Variants in MTHFD1 observed in about 807,000 individuals in gnomAD.
MTHFD1 encodes the protein C-1-tetrahydrofolate synthase, cytoplasmic.
A neutral mutation model predicts 110.3 loss-of-function variants in MTHFD1; 44 were observed. The observed-to-expected ratio is 0.40, with a 90% CI of 0.31 to 0.51. The LOEUF (loss-of-function observed/expected upper bound fraction) is 0.51, where lower values mean the gene tolerates loss of function less well. Ranked by LOEUF, MTHFD1 falls within the 20% of genes least tolerant of loss-of-function variation. MTHFD1 has a pLI of 0.60. For missense variants in MTHFD1, 909 were observed against 1,173.1 expected, an observed-to-expected ratio of 0.77 and a Z score of 3.29; for synonymous variants, 402 against 428.8, an observed-to-expected ratio of 0.94 and a Z score of 0.77.
rs139936700 is a variant in MTHFD1, at chr14:64,424,134, C to T, written c.728-670C>T. ...GCCTTATTGCTTCGAGGTCTAGGCCCGCCCCCAGCCCCTCCTGGAAGTGCA... is the reference window on the plus strand; with the variant it reads ...GCCTTATTGCTTCGAGGTCTAGGCCTGCCCCCAGCCCCTCCTGGAAGTGCA... On this transcript the variant is annotated intron_variant, in intron 8 of 27. Transcript: ENST00000652337. The T allele has an allele frequency of 6.8e-4, 107 of 156,626 alleles. 2 individuals carry two copies. In the East Asian group the frequency reaches 0.015, roughly 22 times the overall value. The allele number at this position is 156,626 out of a possible 1,614,324, so 9.7% of individuals were successfully genotyped here.
At position 64,412,724 on chromosome 14, in the gene MTHFD1, G is replaced by A. The variant is rs566634344; in HGVS notation, c.240+199G>A. Among the ~76,000 whole-genome samples, 92 of 139,424 alleles carry A rather than the reference G, an allele frequency of 6.6e-4. No individual in the cohort carries two copies. The East Asian group carries it at 0.012, about 19-fold the overall frequency. 91.5% of individuals were successfully genotyped at this position (139,424 alleles called of 152,430 possible). ...GCGATCTCGACTCTCTGCAACCTCC[G>A]CCTCCCAGGTTCAAGCAATTCTCCT... is the stretch of plus-strand genomic sequence containing the variant. On this transcript the variant is annotated intron_variant, in intron 4 of 27. Transcript: ENST00000652337.
In MTHFD1 at chr14:64,449,481, C is replaced by G; in HGVS notation, c.2316C>G (p.Arg772=). Residue 772 remains arginine, a synonymous_variant, in exon 24 of 28, where the codon CGC becomes CGG. Coordinates refer to ENST00000652337, the MANE Select transcript of MTHFD1 (RefSeq NM_005956.4). ...AGTCTGAGCTGGACCTCATCAGCCG[C>G]CTTTCCAGAGAACATGGGGCTTTTG... ...DTESELDLIS[R]LSREHGAFDA... is the part of the protein sequence containing the mutation. 1 of 1,613,990 alleles carries G rather than the reference C, an allele frequency of 6.2e-7. No individual in the cohort carries two copies. The highest frequency in any genetic ancestry group is 8.5e-7 in the Non-Finnish European group (1 of 1,180,036).
chr14:64,431,383 A>G (rs530076367), intron 13 of MTHFD1, 149 bp from the exon 14 acceptor site: 444 of 705,042 alleles, frequency 6.3e-4, no homozygotes, highest in Non-Finnish European at 1.0e-3. Flanking sequence ...TATGTTTTCA[A>G]GAACTCCCTA....
At chr14:64,399,764 G>A (rs564935993) in intron 1 of MTHFD1, among the ~76,000 whole-genome samples, 4 of 151,748 alleles carry the variant, frequency 2.6e-5, no homozygotes, top group Non-Finnish European at 4.4e-5. Flanking sequence ...TGTCCATTCA[G>A]TGGTGTTTTT....
intron 3 of MTHFD1, 140 bp from the exon 4 acceptor site, chr14:64,412,332 G>T: frequency 1.4e-6 from 1 of 720,494 alleles, no homozygotes. Context: ...ATGGGTTGAA[G>T]TGAGGGACTC....
At chr14:64,414,793 A>C (rs534230442) in intron 4 of MTHFD1, among the ~76,000 whole-genome samples, 6 of 150,886 alleles carry the variant, frequency 4.0e-5, no homozygotes, top group Admixed American at 6.6e-5. Context: ...AGGTTCAAGC[A>C]ATTCTCCTGC....
intron 4 of MTHFD1, 104 bp from the exon 5 acceptor site, chr14:64,415,254 G>A: frequency 1.1e-6 from 1 of 915,116 alleles, no homozygotes; most frequent in Non-Finnish European, 1.8e-6. Context: ...TATAATTAAA[G>A]TGTTGGGGGG....
intron 3 of MTHFD1, among the ~76,000 whole-genome samples, chr14:64,411,848 C>A (rs1318491992): frequency 1.3e-5 from 2 of 151,944 alleles, no homozygotes; most frequent in South Asian, 4.2e-4. Flanking sequence ...TTGTGGTGAG[C>A]CAAGATAGTG....
intron 19 of MTHFD1, 42 bp downstream of exon 19, chr14:64,441,495 A>G: frequency 6.3e-7 from 1 of 1,595,398 alleles, no homozygotes; most frequent in Non-Finnish European, 8.6e-7. Context: ...GGTTTTGGAC[A>G]GTCAGAGCAG....
intron 25 of MTHFD1, 69 bp downstream of exon 25, chr14:64,453,930 C>A: frequency 2.1e-6 from 2 of 947,036 alleles, no homozygotes; most frequent in Non-Finnish European, 3.4e-6. Flanking sequence ...ATCTCTGGGT[C>A]CTCCCAGCCC....
chr14:64,449,731 G>A (rs771089034), intron 24 of MTHFD1, 109 bp downstream of exon 24: 15 of 1,317,556 alleles, frequency 1.1e-5, no homozygotes, highest in Non-Finnish European at 1.5e-5. Context: ...TCAGCCTTGC[G>A]GTTTGATTCC....
chr14:64,447,350 T>C (rs971978852), intron 22 of MTHFD1, among the ~76,000 whole-genome samples: 2 of 151,768 alleles, frequency 1.3e-5, no homozygotes. Flanking sequence ...GATACGGGGT[T>C]TCACCATGTT....
chr14:64,409,340 T>TA lies in MTHFD1; in HGVS notation c.127-1749dup, dbSNP rs201418816. On this transcript the variant is annotated intron_variant, in intron 2 of 27. Transcript: ENST00000652337. ...TTTCCTGGAAAACTGACTTATAAGT[T>TA]ACATTTCACTTACTTGAAACATGAA... 5.5e-3 allele frequency among the ~76,000 whole-genome samples: 840 copies of TA among 152,324 alleles called. 8 individuals carry two copies. The highest frequency in any genetic ancestry group is 0.019 in the African/African-American group (792 of 41,564).
At chr14:64,415,304 T>C (rs962515497) in intron 4 of MTHFD1, 54 bp from the exon 5 acceptor site, 1 of 1,532,314 alleles carries the variant, frequency 6.5e-7, no homozygotes, top group African/African-American at 1.4e-5. Context: ...AAGTGTTTCT[T>C]CCTACCTTTT....
intron 2 of MTHFD1, among the ~76,000 whole-genome samples, chr14:64,408,818 G>A (rs532333333): frequency 4.6e-5 from 7 of 152,234 alleles, no homozygotes; most frequent in South Asian, 4.1e-4. Context: ...TTGTGGCAGC[G>A]TGTACTGGTA....
intron 8 of MTHFD1, among the ~76,000 whole-genome samples, chr14:64,421,802 T>G (rs1379189929): frequency 1.3e-5 from 2 of 151,974 alleles, no homozygotes. Flanking sequence ...TTTTTTTGTA[T>G]TTTTAGTAGA....
chr14:64,420,026 T>C, intron 8 of MTHFD1, 101 bp downstream of exon 8: 2 of 872,690 alleles, frequency 2.3e-6, no homozygotes, highest in South Asian at 1.4e-5. Flanking sequence ...TTTATGCTTG[T>C]AGTACTAAGG....
chr14:64,434,233 A>G (rs73263770), intron 15 of MTHFD1, among the ~76,000 whole-genome samples: 9,437 of 152,210 alleles, frequency 0.062, 520 homozygotes, highest in African/African-American at 0.16. Context: ...GGGCTGGGAA[A>G]ACATGAAGAA....
At chr14:64,403,593 G>GT (rs35927010) in intron 2 of MTHFD1, among the ~76,000 whole-genome samples, 96,398 of 150,596 alleles carry the variant, frequency 0.64, 31,259 homozygotes, top group South Asian at 0.76. Flanking sequence ...TTTTTGTAGA[G>GT]TTTTTTTTTG....
Sources: gnomAD v4.1 joint callset for allele counts (sites outside exome capture counted in the v4.1 genomes callset) on GRCh38, gnomAD v4.1.1 for gene constraint, MANE v1.5 for transcripts, NCBI Gene and HGNC (gene_info 2026-07-23, HGNC 2026-07-21) for gene names.